MYO16: variants seen among roughly 807,000 people sequenced by gnomAD.
The protein encoded by MYO16 is unconventional myosin-XVI.
A neutral mutation model predicts 205.3 loss-of-function variants in MYO16; 94 were observed. The ratio of observed to expected loss-of-function variants is 0.46; its 90% CI spans 0.39 to 0.54. The LOEUF is 0.54. MYO16 is among the 20% of genes least tolerant of loss of function. The pLI, the probability that MYO16 is intolerant of heterozygous loss-of-function variation, is 0.00. For missense variants in MYO16, 2,315 were observed against 2,387.5 expected (o/e 0.97, Z 0.63); for synonymous variants, 988 against 954.0 (o/e 1.04, Z -0.66).
chr13:109,046,638 A>G (rs11839232), intron 23 of MYO16, among the ~76,000 whole-genome samples: 83,232 of 152,068 alleles, frequency 0.55, 23,534 homozygotes, highest in East Asian at 0.85. Context: ...GAATAAAGGA[A>G]ACTACATGAA....
intron 9 of MYO16, among the ~76,000 whole-genome samples, chr13:108,826,832 C>T (rs1876296897): frequency 1.3e-5 from 2 of 152,190 alleles, no homozygotes; most frequent in African/African-American, 4.8e-5. Context: ...TGAGATACCA[C>T]TTTATACTTC....
intron 16 of MYO16, among the ~76,000 whole-genome samples, chr13:108,925,534 A>G (rs1881959401): frequency 6.6e-6 from 1 of 152,180 alleles, no homozygotes; most frequent in South Asian, 2.1e-4. Context: ...CTTTGGGTTG[A>G]ACATTTTGAC....
chr13:109,078,452 A>G (rs903559823), intron 27 of MYO16, among the ~76,000 whole-genome samples: 1 of 152,112 alleles, frequency 6.6e-6, no homozygotes, highest in Non-Finnish European at 1.5e-5. Flanking sequence ...AAAATTCTGC[A>G]TGTCTTTAAC....
intron 7 of MYO16, among the ~76,000 whole-genome samples, chr13:108,811,089 T>C (rs1374200007): frequency 1.3e-5 from 2 of 152,194 alleles, no homozygotes; most frequent in Admixed American, 1.3e-4. Flanking sequence ...TACAACAGAA[T>C]TGGCAATACT....
At chr13:108,815,053 C>T (rs1021174022) in intron 7 of MYO16, among the ~76,000 whole-genome samples, 1 of 152,142 alleles carries the variant, frequency 6.6e-6, no homozygotes, top group African/African-American at 2.4e-5. Context: ...AATTTTTTTA[C>T]AGTAGTGTTA....
intron 6 of MYO16, among the ~76,000 whole-genome samples, chr13:108,797,716 A>C (rs912989819): frequency 6.6e-6 from 1 of 152,370 alleles, no homozygotes; most frequent in Admixed American, 6.5e-5. Context: ...ATAATGAATT[A>C]ATGCCTAACA....
intron 32 of MYO16, among the ~76,000 whole-genome samples, chr13:109,151,735 G>A (rs991241369): frequency 1.3e-5 from 2 of 152,176 alleles, no homozygotes; most frequent in Non-Finnish European, 2.9e-5. Flanking sequence ...CCTTTTATGT[G>A]AAAAGCTGGA....
At chr13:108,522,842 T>C in the MYO16 span, among the ~76,000 whole-genome samples, 1 of 152,204 alleles carries the variant, frequency 6.6e-6, no homozygotes, top group South Asian at 2.1e-4. Context: ...GACAAAAGCC[T>C]ACTCTCATAA....
chr13:108,808,578 G>C (rs1295828542), intron 7 of MYO16, among the ~76,000 whole-genome samples: 4 of 151,998 alleles, frequency 2.6e-5, no homozygotes. Flanking sequence ...CTCCCAAAGT[G>C]CTGGGTTTAC....
intron 27 of MYO16, among the ~76,000 whole-genome samples, chr13:109,079,473 A>T (rs1361382397): frequency 1.3e-5 from 2 of 152,176 alleles, no homozygotes; most frequent in Non-Finnish European, 2.9e-5. Flanking sequence ...GGCAACGTGG[A>T]TGCAGCTGGA....
intron 22 of MYO16, among the ~76,000 whole-genome samples, chr13:109,009,868 A>G (rs1885532748): frequency 6.6e-6 from 1 of 152,194 alleles, no homozygotes; most frequent in African/African-American, 2.4e-5. Context: ...TCCTCCAGAA[A>G]GCCCTCGTAG....
At chr13:108,596,227 C>T (rs1394806635) in exon 1 of MYO16, 2 of 152,134 alleles carry the variant, frequency 1.3e-5, no homozygotes, top group Non-Finnish European at 2.9e-5. Context: ...TGGAGCCTCT[C>T]ATCCACATTG....
chr13:108,563,403 G>C, the MYO16 span, among the ~76,000 whole-genome samples: 1 of 151,934 alleles, frequency 6.6e-6, no homozygotes, highest in Non-Finnish European at 1.5e-5. Context: ...CCCCTATTAG[G>C]TGATTAAATA....
Position 109,173,951 on chromosome 13 carries a change from G to GGGGC in MYO16, c.5324-5588_5324-5587insCGGG, listed in dbSNP as rs1879044504. On this transcript the variant is annotated intron_variant, in intron 33 of 34. Coordinates refer to ENST00000457511, the MANE Select transcript of MYO16 (RefSeq NM_001198950.3). ...AAAGGGTTGTCCTTGTTTTGATGGG[G>GGGGC]GGGGGTACTCTCTGCTGTTTTGGAA... Among the ~76,000 whole-genome samples, 2 of 148,040 alleles carry GGGGC rather than the reference G, an allele frequency of 1.4e-5. 1 individual carries two copies. The highest frequency in any genetic ancestry group is 3.0e-5 in the Non-Finnish European group (2 of 67,112).
chr13:108,912,087 C>A (rs1435683230), intron 16 of MYO16, among the ~76,000 whole-genome samples: 1 of 152,080 alleles, frequency 6.6e-6, no homozygotes, highest in East Asian at 1.9e-4. Flanking sequence ...GAGGGACTTT[C>A]CAGTGTGATG....
At chr13:109,181,655 G>A (rs981864163) in intron 34 of MYO16, among the ~76,000 whole-genome samples, 7 of 152,096 alleles carry the variant, frequency 4.6e-5, no homozygotes, top group African/African-American at 1.7e-4. Flanking sequence ...AGAGAAAATA[G>A]AGTCAGTGAT....
chr13:108,878,817 C>T (rs1207528816), intron 12 of MYO16, among the ~76,000 whole-genome samples: 6 of 152,208 alleles, frequency 3.9e-5, no homozygotes, highest in Non-Finnish European at 1.5e-5. Flanking sequence ...GGGGTTTGAG[C>T]ACACACAGTG....
At chr13:109,019,168 G>A (rs1885936519) in intron 22 of MYO16, among the ~76,000 whole-genome samples, 1 of 152,022 alleles carries the variant, frequency 6.6e-6, no homozygotes, top group South Asian at 2.1e-4. Flanking sequence ...AAATAGAGAT[G>A]AGGTCTTACC....
At chr13:108,907,584 C>T (rs9521092) in intron 15 of MYO16, among the ~76,000 whole-genome samples, 81,865 of 151,982 alleles carry the variant, frequency 0.54, 22,833 homozygotes, top group East Asian at 0.71. Flanking sequence ...ATTAGAGTTT[C>T]ATGGCAATTT....
Sources: gnomAD v4.1 joint callset for allele counts (sites outside exome capture counted in the v4.1 genomes callset) on GRCh38, gnomAD v4.1.1 for gene constraint, MANE v1.5 for transcripts, NCBI Gene and HGNC (gene_info 2026-07-23, HGNC 2026-07-21) for gene names.